CREB5: variants seen among roughly 807,000 people sequenced by gnomAD.
CREB5 encodes cAMP responsive element binding protein 5.
CREB5 carries 19 observed loss-of-function variants against 57.1 expected under a neutral mutation model. The observed-to-expected ratio is 0.33, with a 90% CI of 0.23 to 0.49. CREB5 has a LOEUF of 0.49. Ranked by LOEUF, CREB5 falls within the 20% of genes least tolerant of loss-of-function variation. The pLI, the probability that CREB5 is intolerant of heterozygous loss-of-function variation, is 0.99. For missense variants in CREB5, 579 were observed against 671.6 expected (o/e 0.86, Z 1.52); for synonymous variants, 238 against 238.3 (o/e 1.00, Z 0.01).
chr7:28,538,476 A>G (rs1794068995), intron 4 of CREB5, among the ~76,000 whole-genome samples: 1 of 152,208 alleles, frequency 6.6e-6, no homozygotes, highest in African/African-American at 2.4e-5. Context: ...GATATAATAT[A>G]TGACTCTTCT....
At chr7:28,815,762 A>G (rs1330608451) in intron 9 of CREB5, among the ~76,000 whole-genome samples, 2 of 152,232 alleles carry the variant, frequency 1.3e-5, no homozygotes, top group East Asian at 1.9e-4. Context: ...ACTAAATTCA[A>G]CCTCTCCAAG....
intron 7 of CREB5, among the ~76,000 whole-genome samples, chr7:28,789,634 T>C (rs899623239): frequency 6.6e-6 from 1 of 152,210 alleles, no homozygotes; most frequent in African/African-American, 2.4e-5. Context: ...AGCAATGGAA[T>C]AGAAAGAGCA....
intron 1 of CREB5, among the ~76,000 whole-genome samples, chr7:28,456,740 G>T (rs912345729): frequency 6.6e-6 from 1 of 152,176 alleles, no homozygotes; most frequent in South Asian, 2.1e-4. Flanking sequence ...TTAAATATGG[G>T]TGTTGTGTCT....
intron 1 of CREB5, among the ~76,000 whole-genome samples, chr7:28,392,231 T>G (rs1191951554): frequency 6.6e-6 from 1 of 152,044 alleles, no homozygotes; most frequent in Non-Finnish European, 1.5e-5. Context: ...TGACATGAGT[T>G]TGTCTATATG....
intron 1 of CREB5, among the ~76,000 whole-genome samples, chr7:28,343,106 A>G (rs993495709): frequency 6.6e-6 from 1 of 151,954 alleles, no homozygotes; most frequent in Non-Finnish European, 1.5e-5. Context: ...ACGCCCAGCT[A>G]ATTTTTTATA....
chr7:28,461,050 A>C (rs1047498243), intron 1 of CREB5, among the ~76,000 whole-genome samples: 1 of 151,996 alleles, frequency 6.6e-6, no homozygotes, highest in Non-Finnish European at 1.5e-5. Context: ...AACAAAAAAA[A>C]ACAAAATGAA....
chr7:28,806,281 A>G (rs1297429540), intron 8 of CREB5, among the ~76,000 whole-genome samples: 1 of 152,156 alleles, frequency 6.6e-6, no homozygotes, highest in African/African-American at 2.4e-5. Flanking sequence ...GCTTTTTTTA[A>G]TTGTATGCTA....
chr7:28,469,056 T>C (rs1790705629), intron 1 of CREB5, among the ~76,000 whole-genome samples: 1 of 152,050 alleles, frequency 6.6e-6, no homozygotes, highest in Admixed American at 6.6e-5. Context: ...ACAACAATTA[T>C]ATCTGATAAA....
intron 1 of CREB5, among the ~76,000 whole-genome samples, chr7:28,475,529 A>G (rs1412584510): frequency 6.6e-6 from 1 of 152,150 alleles, no homozygotes; most frequent in East Asian, 1.9e-4. Flanking sequence ...GATTAAGAAA[A>G]TGTAGTGTAC....
intron 1 of CREB5, among the ~76,000 whole-genome samples, chr7:28,484,259 T>C (rs768684307): frequency 7.2e-5 from 11 of 152,202 alleles, no homozygotes; most frequent in Non-Finnish European, 1.5e-4. Flanking sequence ...AATAAGAGTC[T>C]GTTTGAGAGA....
chr7:28,524,081 A>G (rs1793321877), intron 4 of CREB5, among the ~76,000 whole-genome samples: 1 of 152,238 alleles, frequency 6.6e-6, no homozygotes. Flanking sequence ...CTCACTGAAC[A>G]AGATTACATC....
At chr7:28,601,452 A>G (rs1796917873) in intron 5 of CREB5, among the ~76,000 whole-genome samples, 1 of 152,164 alleles carries the variant, frequency 6.6e-6, no homozygotes, top group Non-Finnish European at 1.5e-5. Context: ...TCCCGAACAC[A>G]CCATCTGCTG....
chr7:28,333,035 T>C (rs2127987108), intron 1 of CREB5, among the ~76,000 whole-genome samples: 1 of 152,344 alleles, frequency 6.6e-6, no homozygotes, highest in East Asian at 1.9e-4. Flanking sequence ...CTACTTTCTT[T>C]TGATAGCAGA....
chr7:28,662,640 A>C (rs1380578696), intron 5 of CREB5, among the ~76,000 whole-genome samples: 1 of 152,090 alleles, frequency 6.6e-6, no homozygotes, highest in African/African-American at 2.4e-5. Context: ...AGCTCCCCCC[A>C]ACACACAGCC....
chr7:28,372,823 T>C (rs1172890010), intron 1 of CREB5, among the ~76,000 whole-genome samples: 1 of 152,246 alleles, frequency 6.6e-6, no homozygotes, highest in Non-Finnish European at 1.5e-5. Context: ...CTGAGGACCA[T>C]GCAACTCTCT....
chr7:28,329,703 GCT>G (rs1407315466), intron 1 of CREB5, among the ~76,000 whole-genome samples: 1 of 152,188 alleles, frequency 6.6e-6, no homozygotes, highest in African/African-American at 2.4e-5. Flanking sequence ...AAAGGGTTCA[GCT>G]CTCTGTCAAA....
At chr7:28,560,671 G>T (rs1450364578) in intron 4 of CREB5, among the ~76,000 whole-genome samples, 1 of 151,874 alleles carries the variant, frequency 6.6e-6, no homozygotes, top group Admixed American at 6.6e-5. Context: ...ACAGACTGGA[G>T]AAGTTCAGCA....
chr7:28,812,191 T>C (rs919673000), intron 9 of CREB5, among the ~76,000 whole-genome samples: 1 of 152,190 alleles, frequency 6.6e-6, no homozygotes, highest in East Asian at 1.9e-4. Context: ...GAGCCAAAAA[T>C]AGCCAGCTGG....
At chr7:28,306,567 T>G (rs1442807926) in intron 1 of CREB5, among the ~76,000 whole-genome samples, 3 of 140,406 alleles carry the variant, frequency 2.1e-5, no homozygotes, top group African/African-American at 5.3e-5. Context: ...TTTTTTTTTT[T>G]TTTTTTTTTT....
Sources: gnomAD v4.1 joint callset for allele counts (sites outside exome capture counted in the v4.1 genomes callset) on GRCh38, gnomAD v4.1.1 for gene constraint, MANE v1.5 for transcripts, NCBI Gene and HGNC (gene_info 2026-07-23, HGNC 2026-07-21) for gene names.